Variants in ADAMTS10 observed in about 807,000 individuals in gnomAD.
ADAMTS10 encodes A disintegrin and metalloproteinase with thrombospondin motifs 10.
ADAMTS10 carries 48 observed loss-of-function variants against 135.9 expected under a neutral mutation model. The observed-to-expected ratio is 0.35, with a 90% CI of 0.28 to 0.45. The LOEUF (loss-of-function observed/expected upper bound fraction) is 0.45, where lower values mean the gene tolerates loss of function less well. ADAMTS10 is among the 20% of genes least tolerant of loss of function. The probability of loss-of-function intolerance (pLI) is 1.00; values close to 1 mark genes in which losing one functional copy is unlikely to be tolerated. For missense variants in ADAMTS10, 1,131 were observed against 1,565.2 expected, an observed-to-expected ratio of 0.72 and a Z score of 4.68; for synonymous variants, 621 against 647.5, an observed-to-expected ratio of 0.96 and a Z score of 0.62.
intron 1 of ADAMTS10, among the ~76,000 whole-genome samples, chr19:8,609,156 A>G (rs1490593157): frequency 6.9e-6 from 1 of 144,420 alleles, no homozygotes; most frequent in South Asian, 2.3e-4. Flanking sequence ...TACAGCATGT[A>G]TGTGAGTGTG....
chr19:8,586,077 ACT>A (rs782239911), intron 22 of ADAMTS10, 43 bp downstream of exon 22: 5 of 1,611,130 alleles, frequency 3.1e-6, no homozygotes, highest in Non-Finnish European at 3.4e-6. Flanking sequence ...TCCAGGGAGT[ACT>A]CTCCTCTCAC....
Position 8,605,321 on chromosome 19 carries a change from G to C in ADAMTS10, c.126C>G (p.Ala42=). Residue 42 remains alanine (A), a synonymous_variant, in exon 4 of 26, where the codon GCC becomes GCG. Coordinates refer to ENST00000597188, the MANE Select transcript of ADAMTS10 (RefSeq NM_030957.4). The surrounding 1 kb of genome is among the most constrained non-coding windows in gnomAD (Gnocchi z 7.7). ...FLSSLESYEI[A]FPTRVDHNGA... ...CGTTGTGGTCCACGCGGGTGGGGAAGGCGATCTCATAGCTCTCCAGACTGG... is the reference window on the plus strand; with the variant it reads ...CGTTGTGGTCCACGCGGGTGGGGAACGCGATCTCATAGCTCTCCAGACTGG... 2 of 1,609,460 alleles carry C rather than the reference G, an allele frequency of 1.2e-6. No homozygotes were observed. The highest frequency in any genetic ancestry group is 1.7e-6 in the Non-Finnish European group (2 of 1,178,098).
chr19:8,586,440 G>A lies in ADAMTS10; in HGVS notation c.2434C>T (p.Arg812Cys), dbSNP rs1206816425. The A allele has an allele frequency of 2.5e-6, 4 of 1,613,806 alleles. No homozygotes were observed. The highest frequency in any genetic ancestry group is 3.4e-6 in the Non-Finnish European group (4 of 1,180,008). Reference sequence around the variant, plus strand: ...GCGATGGGGGCATTGAAGCGGTAGCGGAGGGCAGGCAGCTCGGTCCGGGCC... The same window carrying A: ...GCGATGGGGGCATTGAAGCGGTAGCAGAGGGCAGGCAGCTCGGTCCGGGCC... ...VLARTELPALRYRFNAPIARD... is the reference protein window; with the variant it reads ...VLARTELPALCYRFNAPIARD... Residue 812 changes from arginine (R) to cysteine (C), a missense_variant, in exon 21 of 26, where the codon CGC becomes TGC. Coordinates refer to ENST00000597188, the MANE Select transcript of ADAMTS10 (RefSeq NM_030957.4).
intron 6 of ADAMTS10, among the ~76,000 whole-genome samples, chr19:8,599,058 T>A (rs933222846): frequency 6.6e-6 from 1 of 152,064 alleles, no homozygotes; most frequent in South Asian, 2.1e-4. Context: ...ATGTGCCAAA[T>A]AGCCTACCTG....
Position 8,580,814 on chromosome 19 carries a change from C to A in ADAMTS10, c.*79G>T, listed in dbSNP as rs2042334047. Reference sequence around the variant, plus strand: ...CCTTCCCTCCCAGTTCCCGCCCCCCCGGGGCCCCCTCTGGCCGGCCCGCTG... The same window carrying A: ...CCTTCCCTCCCAGTTCCCGCCCCCCAGGGGCCCCCTCTGGCCGGCCCGCTG... On this transcript the variant is annotated 3_prime_UTR_variant, in exon 26 of 26. Transcript: ENST00000597188. 9.1e-6 allele frequency: 11 copies of A among 1,204,054 alleles called. No homozygotes were observed. The highest frequency in any genetic ancestry group is 1.3e-5 in the Non-Finnish European group (11 of 847,018). 74.6% of individuals were successfully genotyped at this position (1,204,054 alleles called of 1,614,324 possible).
chr19:8,593,295 A>T (rs1397877610), intron 12 of ADAMTS10: 2 of 199,138 alleles, frequency 1.0e-5, no homozygotes, highest in South Asian at 1.6e-4. Context: ...ACTGCTGAGG[A>T]ATGAACAGGA....
chr19:8,592,627 G>T, intron 13 of ADAMTS10, 136 bp downstream of exon 13: 1 of 908,572 alleles, frequency 1.1e-6, no homozygotes, highest in Non-Finnish European at 1.7e-6. Context: ...GGCCACAGCC[G>T]AGGGAGCACA....
chr19:8,588,081 T>C (rs2146049151), intron 18 of ADAMTS10, among the ~76,000 whole-genome samples: 1 of 150,612 alleles, frequency 6.6e-6, no homozygotes, highest in Non-Finnish European at 1.5e-5. Flanking sequence ...AAACCCCATC[T>C]CTTCTAAAGA....
rs1555736407 is a variant in ADAMTS10, at chr19:8,584,894, C to G, written c.3202+1G>C. 6.5e-7 allele frequency: 1 copy of G among 1,548,968 alleles called. No homozygotes were observed. Among genetic ancestry groups the G allele is most frequent in the Non-Finnish European group, 8.7e-7 (1 of 1,146,452 alleles). ...CGCACCCTGGCTGGTCACCCACATACCTTCAGGGCCGTCCCCGGGGGTTGG... is the reference window on the plus strand; with the variant it reads ...CGCACCCTGGCTGGTCACCCACATAGCTTCAGGGCCGTCCCCGGGGGTTGG... On this transcript the variant is annotated splice_donor_variant, in intron 25 of 25. Coordinates refer to ENST00000597188, the MANE Select transcript of ADAMTS10 (RefSeq NM_030957.4). LOFTEE classifies it high-confidence loss of function.
rs573212333 is a variant in ADAMTS10 at position 8,589,824 on chromosome 19, C to G, written c.1900+65G>C. 17 of 1,523,702 alleles carry G rather than the reference C, an allele frequency of 1.1e-5. No homozygotes were observed. In the African/African-American group the frequency reaches 2.0e-4, roughly 18 times the overall value. The allele number at this position is 1,523,702 out of a possible 1,614,324, so 94.4% of individuals were successfully genotyped here. On this transcript the variant is annotated intron_variant, in intron 16 of 25. Coordinates refer to ENST00000597188, the MANE Select transcript of ADAMTS10 (RefSeq NM_030957.4). The stretch of plus-strand genomic sequence containing the variant: ...GACCCCGGGATGCTGCATTCATCCA[C>G]CTGCTGCTGGACACTCCCACGGCTG...
intron 13 of ADAMTS10, 177 bp from the exon 14 acceptor site, chr19:8,592,280 A>T: frequency 2.3e-6 from 3 of 1,327,546 alleles, no homozygotes; most frequent in Admixed American, 4.6e-5. Context: ...TGGGAGACAG[A>T]CCAGGTACAA....
At chr19:8,589,109 G>C in intron 18 of ADAMTS10, 133 bp downstream of exon 18, 1 of 1,461,962 alleles carries the variant, frequency 6.8e-7, no homozygotes, top group East Asian at 2.4e-5. Flanking sequence ...CAGGACTTTT[G>C]GGGACTCCTG....
At chr19:8,604,438 CACATAT>C (rs1555742072) in intron 4 of ADAMTS10, among the ~76,000 whole-genome samples, 2 of 146,878 alleles carry the variant, frequency 1.4e-5, no homozygotes, top group Non-Finnish European at 3.0e-5. Context: ...CATACACATA[CACATAT>C]ATAATTATAT....
intron 2 of ADAMTS10, among the ~76,000 whole-genome samples, chr19:8,606,411 C>T (rs1555742621): frequency 6.6e-6 from 1 of 151,888 alleles, no homozygotes; most frequent in African/African-American, 2.4e-5. Flanking sequence ...TCATCACGCT[C>T]TTTTTTTTGA....
intron 18 of ADAMTS10, among the ~76,000 whole-genome samples, chr19:8,587,141 A>T (rs1372754147): frequency 2.0e-5 from 3 of 150,396 alleles, no homozygotes; most frequent in Admixed American, 6.6e-5. Context: ...CTGGGTTAGG[A>T]TTTTTCTTTC....
At chr19:8,599,001 C>T (rs1395289375) in intron 6 of ADAMTS10, among the ~76,000 whole-genome samples, 1 of 152,042 alleles carries the variant, frequency 6.6e-6, no homozygotes, top group African/African-American at 2.4e-5. Context: ...TTTTTGTTTT[C>T]CCTTTTGCTT....
chr19:8,592,968 G>T, intron 12 of ADAMTS10, 98 bp from the exon 13 acceptor site: 1 of 1,150,304 alleles, frequency 8.7e-7, no homozygotes, highest in Non-Finnish European at 1.3e-6. Context: ...CTCACTGCCG[G>T]TCCCAGAGCA....
chr19:8,605,351 G>A lies in ADAMTS10; in HGVS notation c.96C>T (p.Phe32=), dbSNP rs782743736. ...TCTCATAGCTCTCCAGACTGGACAG[G>A]AACTCATCTGTGGGTGAGGGTCAGA... ...VTHAFRSQDE[F]LSSLESYEIA... Residue 32 remains phenylalanine (F), a synonymous_variant, in exon 4 of 26, where the codon TTC becomes TTT. Transcript: ENST00000597188. This position sits in a 1 kb window ranked among gnomAD's most constrained non-coding sequence, Gnocchi z 7.7. 2.5e-6 allele frequency: 4 copies of A among 1,599,248 alleles called. No homozygotes were observed. Among genetic ancestry groups the A allele is most frequent in the Non-Finnish European group, 2.6e-6 (3 of 1,173,040 alleles).
At chr19:8,581,031 T>C in intron 25 of ADAMTS10, 29 bp from the exon 26 acceptor site, 2 of 1,556,200 alleles carry the variant, frequency 1.3e-6, no homozygotes, top group Non-Finnish European at 1.8e-6. Context: ...GAAGGAAAAA[T>C]CAGGTCTCAG....
Sources: gnomAD v4.1 joint callset for allele counts (sites outside exome capture counted in the v4.1 genomes callset) on GRCh38, gnomAD v4.1.1 for gene constraint, Gnocchi (gnomAD v3.1) non-coding constraint, MANE v1.5 for transcripts, NCBI Gene and HGNC (gene_info 2026-07-23, HGNC 2026-07-21) for gene names.